The following SLCO3A1 variants were observed in gnomAD, a reference collection of about 807,000 sequenced individuals.
The protein encoded by SLCO3A1 is PGE1 transporter.
A neutral mutation model predicts 63.1 loss-of-function variants in SLCO3A1; 27 were observed. The observed-to-expected ratio is 0.43, with a 90% CI of 0.32 to 0.59. SLCO3A1 has a LOEUF of 0.59. Ranked by LOEUF, SLCO3A1 falls within the 20% of genes least tolerant of loss-of-function variation. The pLI, the probability that SLCO3A1 is intolerant of heterozygous loss-of-function variation, is 0.09. For synonymous variants in SLCO3A1, 473 were observed against 409.9 expected (o/e 1.15, Z -1.86); for missense variants, 773 against 945.8 (o/e 0.82, Z 2.40).
At chr15:92,084,549 C>G (rs1342224651) in intron 2 of SLCO3A1, among the ~76,000 whole-genome samples, 4 of 152,178 alleles carry the variant, frequency 2.6e-5, no homozygotes, top group Non-Finnish European at 5.9e-5. Flanking sequence ...CTTTTCCACC[C>G]CAGGAGACCT....
At chr15:92,158,711 C>A (rs1398613657) in intron 9 of SLCO3A1, among the ~76,000 whole-genome samples, 1 of 152,152 alleles carries the variant, frequency 6.6e-6, no homozygotes, top group African/African-American at 2.4e-5. Context: ...GTGGAACTCC[C>A]TTCTGTGACT....
At chr15:91,861,397 G>A (rs1026704359) in intron 1 of SLCO3A1, among the ~76,000 whole-genome samples, 25 of 152,130 alleles carry the variant, frequency 1.6e-4, no homozygotes, top group Admixed American at 7.9e-4. Flanking sequence ...GTTTTGAGTC[G>A]AGTGCCTCTG....
intron 2 of SLCO3A1, among the ~76,000 whole-genome samples, chr15:92,087,876 C>G (rs182640886): frequency 1.3e-5 from 2 of 152,156 alleles, no homozygotes; most frequent in Non-Finnish European, 2.9e-5. Context: ...TCTTCCTGGA[C>G]CAGAAAATTT....
intron 2 of SLCO3A1, among the ~76,000 whole-genome samples, chr15:92,086,276 C>T (rs1407116353): frequency 6.6e-6 from 1 of 152,176 alleles, no homozygotes; most frequent in Non-Finnish European, 1.5e-5. Context: ...CAGATCCTTG[C>T]CAACACTTGG....
intron 2 of SLCO3A1, among the ~76,000 whole-genome samples, chr15:92,081,115 T>A (rs543215002): frequency 6.6e-6 from 1 of 152,102 alleles, no homozygotes; most frequent in Non-Finnish European, 1.5e-5. Flanking sequence ...TGATACTCTT[T>A]CAGTTATTTT....
chr15:92,069,089 TCC>T (rs760619386), intron 2 of SLCO3A1, among the ~76,000 whole-genome samples: 1 of 59,070 alleles, frequency 1.7e-5, no homozygotes, highest in Non-Finnish European at 4.0e-5. Flanking sequence ...ATTCAAGGGC[TCC>T]CCCCGCCCCC....
intron 2 of SLCO3A1, among the ~76,000 whole-genome samples, chr15:91,923,640 T>C (rs1012107998): frequency 6.6e-6 from 1 of 152,252 alleles, no homozygotes; most frequent in African/African-American, 2.4e-5. Flanking sequence ...AACGTATTCT[T>C]ATTTTAGTAA....
chr15:91,921,665 C>T (rs1157721239), intron 2 of SLCO3A1, among the ~76,000 whole-genome samples: 2 of 151,992 alleles, frequency 1.3e-5, no homozygotes. Context: ...AACTATCACA[C>T]AGTAGCAAAA....
At chr15:92,002,165 G>C (rs181465719) in intron 2 of SLCO3A1, among the ~76,000 whole-genome samples, 1 of 152,168 alleles carries the variant, frequency 6.6e-6, no homozygotes, top group South Asian at 2.1e-4. Flanking sequence ...GAGTGGATGT[G>C]TGGTTTTCCC....
chr15:92,031,440 G>T (rs1481821525), intron 2 of SLCO3A1, among the ~76,000 whole-genome samples: 2 of 152,174 alleles, frequency 1.3e-5, no homozygotes, highest in Non-Finnish European at 2.9e-5. Flanking sequence ...CCAAATAAGA[G>T]GGCTGAGTTT....
At chr15:91,866,594 A>G (rs1897172345) in intron 1 of SLCO3A1, among the ~76,000 whole-genome samples, 1 of 139,348 alleles carries the variant, frequency 7.2e-6, no homozygotes, top group African/African-American at 3.0e-5. Context: ...AAAAAAAAGA[A>G]AAAAAAAATG....
At chr15:92,113,120 A>C (rs2283462) in intron 4 of SLCO3A1, among the ~76,000 whole-genome samples, 1 of 151,966 alleles carries the variant, frequency 6.6e-6, no homozygotes, top group East Asian at 1.9e-4. Flanking sequence ...GTTGGGTCTG[A>C]ATAAGACGTT....
At chr15:92,153,363 T>G (rs1275200818) in intron 9 of SLCO3A1, 4 of 152,246 alleles carry the variant, frequency 2.6e-5, no homozygotes, top group African/African-American at 9.6e-5. Context: ...CCTATTGATT[T>G]TATTGCCCCT....
chr15:91,920,527 G>T (rs905641235), intron 2 of SLCO3A1, among the ~76,000 whole-genome samples: 1 of 152,184 alleles, frequency 6.6e-6, no homozygotes, highest in Non-Finnish European at 1.5e-5. Flanking sequence ...CTGTAAAGAG[G>T]TTGCACCCCT....
chr15:91,965,721 G>GGTGTGTGTGTGTGT (rs35543509), intron 2 of SLCO3A1, among the ~76,000 whole-genome samples: 23 of 147,566 alleles, frequency 1.6e-4, no homozygotes, highest in African/African-American at 5.8e-4. Flanking sequence ...CAGCCAGCAG[G>GGTGTGTGTGTGTGT]GTGTGTGTGT....
intron 1 of SLCO3A1, among the ~76,000 whole-genome samples, chr15:91,902,643 T>C (rs3924426): frequency 0.087 from 13,265 of 152,100 alleles, 1,340 homozygotes; most frequent in African/African-American, 0.24. Context: ...CTCAGTTTGT[T>C]GTATGTTTTG....
chr15:92,030,588 A>C (rs4984341), intron 2 of SLCO3A1, among the ~76,000 whole-genome samples: 24,226 of 152,196 alleles, frequency 0.16, 2,420 homozygotes, highest in South Asian at 0.36. Context: ...TGAAGGGATA[A>C]AATACTTGGG....
chr15:91,954,662 T>A lies in SLCO3A1; in HGVS notation c.646+38204T>A, dbSNP rs1342919952. 6.6e-6 allele frequency among the ~76,000 whole-genome samples: 1 copy of A among 151,736 alleles called. No individual in the cohort carries two copies. The highest frequency in any genetic ancestry group is 1.5e-5 in the Non-Finnish European group (1 of 67,944). ...TGTTGCAGGTCCAGGAAGTGGCCCA[T>A]ATATGATTTTTATCAGGGTGGAGCC... On this transcript the variant is annotated intron_variant, in intron 2 of 9. Transcript: ENST00000318445. The surrounding 1 kb of genome is among the most constrained non-coding windows in gnomAD (Gnocchi z 4.7).
intron 1 of SLCO3A1, among the ~76,000 whole-genome samples, chr15:91,880,322 G>C (rs1597084055): frequency 6.6e-6 from 1 of 151,192 alleles, no homozygotes; most frequent in African/African-American, 2.5e-5. Flanking sequence ...ACCACAATTA[G>C]GAAATTGACA....
Sources: gnomAD v4.1 joint callset for allele counts (sites outside exome capture counted in the v4.1 genomes callset) on GRCh38, gnomAD v4.1.1 for gene constraint, Gnocchi (gnomAD v3.1) non-coding constraint, MANE v1.5 for transcripts, NCBI Gene and HGNC (gene_info 2026-07-23, HGNC 2026-07-21) for gene names.